The following ABI3BP variants were observed in gnomAD, a reference collection of about 807,000 sequenced individuals.
ABI3BP encodes the protein target of Nesh-SH3.
Under a neutral mutation model 268.6 loss-of-function variants are expected in ABI3BP, and 216 were observed. The ratio of observed to expected loss-of-function variants is 0.80; its 90% confidence interval spans 0.72 to 0.90. The LOEUF (loss-of-function observed/expected upper bound fraction) is 0.90. Ranked by LOEUF, ABI3BP falls within the 40% of genes least tolerant of loss-of-function variation. The pLI, the probability that ABI3BP is intolerant of heterozygous loss-of-function variation, is 0.00. For missense variants in ABI3BP, 2,090 were observed against 2,182.4 expected, an observed-to-expected ratio of 0.96 and a Z score of 0.84; for synonymous variants, 730 against 730.0, an observed-to-expected ratio of 1.00 and a Z score of 0.00.
chr3:100,942,914 A>C (rs1458666432), intron 1 of ABI3BP, among the ~76,000 whole-genome samples: 1 of 152,144 alleles, frequency 6.6e-6, no homozygotes, highest in Non-Finnish European at 1.5e-5. Flanking sequence ...CAGATATTCA[A>C]CACAGTATGG....
At chr3:100,875,997 T>C (rs184178969) in intron 7 of ABI3BP, among the ~76,000 whole-genome samples, 1 of 152,316 alleles carries the variant, frequency 6.6e-6, no homozygotes, top group Admixed American at 6.5e-5. Context: ...ACTTGGGATG[T>C]TGTGTTTTCT....
At chr3:100,884,927 A>G (rs2041204771) in intron 6 of ABI3BP, among the ~76,000 whole-genome samples, 1 of 152,090 alleles carries the variant, frequency 6.6e-6, no homozygotes, top group African/African-American at 2.4e-5. Context: ...GTGGGGTGGT[A>G]TATACTAGAC....
intron 4 of ABI3BP, among the ~76,000 whole-genome samples, chr3:100,895,601 A>G (rs2047308850): frequency 6.6e-6 from 1 of 152,226 alleles, no homozygotes; most frequent in Non-Finnish European, 1.5e-5. Flanking sequence ...ATGAATTAAA[A>G]TGATACCAAT....
intron 11 of ABI3BP, 26 bp downstream of exon 11, chr3:100,864,806 AG>A (rs2099034210): frequency 6.6e-7 from 1 of 1,504,750 alleles, no homozygotes; most frequent in Non-Finnish European, 9.0e-7. Context: ...TTGTTTTTTT[AG>A]AAAAAAAAAA....
Position 100,832,295 on chromosome 3 carries a change from C to T in ABI3BP, c.2370G>A (p.Thr790=), listed in dbSNP as rs1293016885. The part of the protein sequence containing the change: ...TRRPHPKPKT[T]PHPEVPQTKL... ...TAGTTTGAGGTACTTCTGGATGGGG[C>T]GTGGTTTTAGGTTTGGGATGTGGAC... Residue 790 remains threonine (T), a synonymous_variant, in exon 31 of 68, where the codon ACG becomes ACA. Coordinates refer to ENST00000471714, the MANE Select transcript of ABI3BP (RefSeq NM_001375547.2). 1.8e-5 allele frequency: 27 copies of T among 1,535,318 alleles called. No homozygotes were observed. Among genetic ancestry groups the T allele is most frequent in the African/African-American group, 4.1e-5 (3 of 72,944 alleles).
chr3:100,786,265 C>A (rs2097040934), intron 57 of ABI3BP, among the ~76,000 whole-genome samples: 1 of 152,148 alleles, frequency 6.6e-6, no homozygotes, highest in Non-Finnish European at 1.5e-5. Flanking sequence ...CCTGTGCCCA[C>A]CAGCCCAATT....
chr3:100,753,838 T>A lies in ABI3BP; in HGVS notation c.4941A>T (p.Arg1647Ser), dbSNP rs1236688545. Residue 1647 changes from arginine (R) to serine (S), a missense_variant, in exon 65 of 68, where the codon AGA (arginine) becomes AGT (serine). Physicochemically the swap from Arg to Ser is moderately radical, Grantham distance 110. Transcript: ENST00000471714. ...VAFSTESADP[R>S]VSEPVSAGRD... ...ACTTACCAGAAACTGGCTCACTCAC[T>A]CTTGGGTCCGCTGAGGAGAAATAAA... 2 of 1,610,866 alleles carry A rather than the reference T, an allele frequency of 1.2e-6. No individual in the cohort carries two copies. Among genetic ancestry groups the A allele is most frequent in the Admixed American group, 3.4e-5 (2 of 59,620 alleles).
Position 100,837,162 on chromosome 3 carries a change from G to C in ABI3BP, c.2093C>G (p.Pro698Arg), listed in dbSNP as rs1321110952. ...GGGAGCTTCAGTTTCAAATGGAACA[G>C]GCTCAGAGACTGCATCATAAAAAAT... Reference protein sequence around the residue: ...DMPPTKSVSEPVPFETEAPSM... With the variant: ...DMPPTKSVSERVPFETEAPSM... The change falls in exon 27 of 68, where the codon CCT (proline) becomes CGT (arginine). Residue 698 changes from proline (P) to arginine (R), a missense_variant. Physicochemically the swap from Pro to Arg is moderately radical, Grantham distance 103. Coordinates refer to ENST00000471714, the MANE Select transcript of ABI3BP (RefSeq NM_001375547.2). 3 of 1,534,254 alleles carry C rather than the reference G, an allele frequency of 2.0e-6. No homozygotes were observed. The highest frequency in any genetic ancestry group is 2.6e-6 in the Non-Finnish European group (3 of 1,146,056).
At chr3:100,830,539 C>A (rs981131074) in intron 32 of ABI3BP, 39 bp downstream of exon 32, 2 of 1,509,852 alleles carry the variant, frequency 1.3e-6, no homozygotes, top group Admixed American at 4.0e-5. Flanking sequence ...TTGAAATGAG[C>A]AGGAGAGGCA....
At chr3:100,973,226 A>G (rs2084527959) in intron 1 of ABI3BP, among the ~76,000 whole-genome samples, 1 of 152,184 alleles carries the variant, frequency 6.6e-6, no homozygotes, top group Non-Finnish European at 1.5e-5. Context: ...ATGTTAATGA[A>G]TCAACAACGT....
At chr3:100,843,556 A>C in intron 20 of ABI3BP, 2 of 979,616 alleles carry the variant, frequency 2.0e-6, no homozygotes, top group South Asian at 9.5e-5. Context: ...AGAGAGAGAG[A>C]GAGAGAGAGA....
At chr3:100,989,450 A>G (rs2092556869) in intron 1 of ABI3BP, among the ~76,000 whole-genome samples, 1 of 152,208 alleles carries the variant, frequency 6.6e-6, no homozygotes, top group African/African-American at 2.4e-5. Flanking sequence ...AGTTACTGTT[A>G]TGATTATCAT....
intron 2 of ABI3BP, among the ~76,000 whole-genome samples, chr3:100,917,827 C>T (rs1307382078): frequency 6.6e-6 from 1 of 152,028 alleles, no homozygotes; most frequent in Non-Finnish European, 1.5e-5. Flanking sequence ...GTAGTTGAAT[C>T]CAGTAGAAAA....
chr3:100,951,242 C>G (rs942440379), intron 1 of ABI3BP, among the ~76,000 whole-genome samples: 3 of 151,818 alleles, frequency 2.0e-5, no homozygotes, highest in Admixed American at 1.3e-4. Context: ...TGTGTATGCA[C>G]GTGTGTGAGC....
intron 8 of ABI3BP, 70 bp from the exon 9 acceptor site, chr3:100,875,003 C>A: frequency 2.3e-6 from 2 of 857,302 alleles, no homozygotes; most frequent in South Asian, 1.7e-5. Flanking sequence ...AAGCTCAGCA[C>A]ATCAGATATT....
At position 100,874,143 on chromosome 3, in the gene ABI3BP, A is replaced by G. The variant is rs182570737; in HGVS notation, c.910+698T>C. On this transcript the variant is annotated intron_variant, in intron 9 of 67. Coordinates refer to ENST00000471714, the MANE Select transcript of ABI3BP (RefSeq NM_001375547.2). ...AAACTTGTCAGAAATGCAAATTCTC[A>G]GGCCCCATACCGGACCTACTGAATC... Among the ~76,000 whole-genome samples, 600 of 151,784 alleles carry G rather than the reference A, an allele frequency of 4.0e-3. 4 individuals carry two copies. The highest frequency in any genetic ancestry group is 4.1e-3 in the Non-Finnish European group (280 of 67,930).
At chr3:100,834,128 A>G (rs2098539480) in intron 29 of ABI3BP, among the ~76,000 whole-genome samples, 1 of 152,114 alleles carries the variant, frequency 6.6e-6, no homozygotes, top group Non-Finnish European at 1.5e-5. Flanking sequence ...ACATCACCAT[A>G]TCTGGCTAGT....
chr3:100,870,318 A>G (rs1432023146), intron 9 of ABI3BP, among the ~76,000 whole-genome samples: 1 of 152,186 alleles, frequency 6.6e-6, no homozygotes, highest in Non-Finnish European at 1.5e-5. Flanking sequence ...CTTACACAAA[A>G]TAGCGAAACA....
At chr3:100,914,434 G>T (rs925922886) in intron 2 of ABI3BP, 2 of 455,542 alleles carry the variant, frequency 4.4e-6, no homozygotes, top group Non-Finnish European at 8.8e-6. Flanking sequence ...TCACAAAAGT[G>T]CAGCCAGCCG....
Sources: allele counts gnomAD v4.1 joint callset (sites outside exome capture counted in the v4.1 genomes callset), GRCh38; gene constraint gnomAD v4.1.1; transcripts MANE v1.5; gene names NCBI Gene and HGNC (gene_info 2026-07-23, HGNC 2026-07-21).